Variants in NCKAP5 observed in about 807,000 individuals in gnomAD.
The protein encoded by NCKAP5 is nck-associated protein 5.
Under a neutral mutation model 167.0 loss-of-function variants are expected in NCKAP5, and 92 were observed. The observed-to-expected ratio is 0.55, with a 90% CI of 0.47 to 0.66. The LOEUF is 0.66. NCKAP5 is among the 30% of genes least tolerant of loss of function. The probability of loss-of-function intolerance (pLI) is 0.00; values close to 1 mark genes in which losing one functional copy is unlikely to be tolerated. For synonymous variants in NCKAP5, 891 were observed against 877.4 expected, an observed-to-expected ratio of 1.02 and a Z score of -0.27; for missense variants, 2,378 against 2,315.0, an observed-to-expected ratio of 1.03 and a Z score of -0.56.
intron 6 of NCKAP5, among the ~76,000 whole-genome samples, chr2:133,126,068 T>C (rs1013893637): frequency 6.6e-6 from 1 of 152,242 alleles, no homozygotes; most frequent in Non-Finnish European, 1.5e-5. Flanking sequence ...CTTCAAGCCA[T>C]CAGGCTCATC....
intron 11 of NCKAP5, among the ~76,000 whole-genome samples, chr2:132,822,874 T>C (rs1686857359): frequency 6.6e-6 from 1 of 152,110 alleles, no homozygotes; most frequent in East Asian, 1.9e-4. Context: ...TCACAACTTC[T>C]GGAAATGAAA....
chr2:133,101,774 A>C (rs2081520767), intron 6 of NCKAP5, among the ~76,000 whole-genome samples: 1 of 152,242 alleles, frequency 6.6e-6, no homozygotes, highest in Non-Finnish European at 1.5e-5. Flanking sequence ...TAATTGAAAG[A>C]CTGTTCCACC....
rs1459843779 is a variant in NCKAP5, at chr2:133,103,342, C to G, written c.341+26636G>C. On this transcript the variant is annotated intron_variant, in intron 6 of 19. Transcript: ENST00000409261. ...CTGCCTGGGATTGAAGCCACTTGCT[C>G]AAGGTAAAATTTCAGACAGGTTATC... is the stretch of plus-strand genomic sequence containing the variant. 2.6e-5 allele frequency among the ~76,000 whole-genome samples: 4 copies of G among 152,130 alleles called. No homozygotes were observed. The East Asian group carries it at 7.7e-4, about 29-fold the overall frequency.
intron 5 of NCKAP5, among the ~76,000 whole-genome samples, chr2:133,197,821 G>A (rs1331576471): frequency 2.0e-5 from 3 of 151,990 alleles, no homozygotes; most frequent in African/African-American, 7.2e-5. Context: ...TTTGTGGTGC[G>A]TTCCTATAGT....
rs187465868 is a variant in NCKAP5, at chr2:133,058,688, C to T, written c.342-64449G>A. On this transcript the variant is annotated intron_variant, in intron 6 of 19. Transcript: ENST00000409261. ...GATGGAATATACTACTGTGAAGATA[C>T]TATGTAGATTGTTGAAAAGATAACA... is the stretch of plus-strand genomic sequence containing the variant. Among the ~76,000 whole-genome samples the T allele has an allele frequency of 1.2e-4, 18 of 152,180 alleles. No homozygotes were observed. The East Asian group carries it at 3.3e-3, about 28-fold the overall frequency.
chr2:132,719,390 C>G (rs1431757531), intron 19 of NCKAP5, among the ~76,000 whole-genome samples: 2 of 147,764 alleles, frequency 1.4e-5, no homozygotes, highest in Non-Finnish European at 3.0e-5. Context: ...AAGTTGTTTT[C>G]AAAACCACTC....
At chr2:133,449,173 G>T (rs1232031772) in intron 3 of NCKAP5, among the ~76,000 whole-genome samples, 2 of 152,138 alleles carry the variant, frequency 1.3e-5, no homozygotes, top group Non-Finnish European at 2.9e-5. Flanking sequence ...TTACATTCCT[G>T]TTGCCTATTG....
At chr2:133,375,954 A>C (rs1466131061) in intron 3 of NCKAP5, among the ~76,000 whole-genome samples, 1 of 152,202 alleles carries the variant, frequency 6.6e-6, no homozygotes, top group Non-Finnish European at 1.5e-5. Context: ...CATGGAGGAA[A>C]GAGAGGGCTT....
At chr2:132,939,176 CAA>C (rs1185313082) in intron 8 of NCKAP5, among the ~76,000 whole-genome samples, 3 of 151,384 alleles carry the variant, frequency 2.0e-5, no homozygotes, top group African/African-American at 7.4e-5. Flanking sequence ...CTTTTGATCT[CAA>C]GTCTTCTCCC....
At chr2:133,328,349 G>T (rs1574712138) in intron 3 of NCKAP5, among the ~76,000 whole-genome samples, 1 of 152,326 alleles carries the variant, frequency 6.6e-6, no homozygotes, top group East Asian at 1.9e-4. Context: ...AGAGAGAGTT[G>T]ACATAGACTG....
chr2:133,135,549 C>T (rs1022111979), intron 5 of NCKAP5, among the ~76,000 whole-genome samples: 9 of 151,872 alleles, frequency 5.9e-5, no homozygotes, highest in Admixed American at 2.6e-4. Flanking sequence ...ATTCTGACTA[C>T]GGTATGGAGA....
intron 16 of NCKAP5, among the ~76,000 whole-genome samples, chr2:132,744,430 G>T (rs890481912): frequency 4.0e-5 from 6 of 151,530 alleles, no homozygotes; most frequent in African/African-American, 1.2e-4. Flanking sequence ...AATTTCCTGT[G>T]TATTAAATGG....
chr2:133,501,609 A>G (rs1559531440), intron 3 of NCKAP5, among the ~76,000 whole-genome samples: 1 of 152,216 alleles, frequency 6.6e-6, no homozygotes, highest in Non-Finnish European at 1.5e-5. Flanking sequence ...TTTTAGTCAT[A>G]TACTCAAAAT....
At chr2:133,122,542 C>A (rs2082282014) in intron 6 of NCKAP5, 1 of 152,170 alleles carries the variant, frequency 6.6e-6, no homozygotes, top group African/African-American at 2.4e-5. Flanking sequence ...AACATCAGAG[C>A]CAAGAGCAAT....
At chr2:133,550,339 A>G (rs1687178315) in intron 2 of NCKAP5, among the ~76,000 whole-genome samples, 1 of 150,428 alleles carries the variant, frequency 6.6e-6, no homozygotes, top group Non-Finnish European at 1.5e-5. Flanking sequence ...ATTGATGCAA[A>G]AATCCTCAAT....
chr2:132,955,170 A>C (rs2076302252), intron 8 of NCKAP5, among the ~76,000 whole-genome samples: 1 of 152,216 alleles, frequency 6.6e-6, no homozygotes, highest in Non-Finnish European at 1.5e-5. Flanking sequence ...GAACAAGGTA[A>C]GAACTTAAAG....
chr2:132,911,001 G>T (rs763502766), intron 8 of NCKAP5: 3 of 173,720 alleles, frequency 1.7e-5, no homozygotes, highest in Non-Finnish European at 2.5e-5. Flanking sequence ...GGCCTGGCTG[G>T]AATACTGATA....
At chr2:133,616,918 A>C in the NCKAP5 span, among the ~76,000 whole-genome samples, 2 of 152,192 alleles carry the variant, frequency 1.3e-5, no homozygotes, top group Non-Finnish European at 2.9e-5. Flanking sequence ...ATACTGGCAA[A>C]CCGAATTCAG....
At chr2:133,241,981 G>A (rs989894240) in intron 4 of NCKAP5, among the ~76,000 whole-genome samples, 1 of 151,946 alleles carries the variant, frequency 6.6e-6, no homozygotes, top group Admixed American at 6.6e-5. Context: ...AGCTGGGCAT[G>A]GTGGCGGGTG....
Sources: allele counts gnomAD v4.1 joint callset (sites outside exome capture counted in the v4.1 genomes callset), GRCh38; gene constraint gnomAD v4.1.1; transcripts MANE v1.5; gene names NCBI Gene and HGNC (gene_info 2026-07-23, HGNC 2026-07-21).